Variants in GP6 observed in about 807,000 individuals in gnomAD.
The protein encoded by GP6 is platelet glycoprotein VI.
A neutral mutation model predicts 37.3 loss-of-function variants in GP6; 45 were observed. The ratio of observed to expected loss-of-function variants is 1.21; its 90% CI spans 0.95 to 1.55. The LOEUF (loss-of-function observed/expected upper bound fraction) is 1.55, where lower values mean the gene tolerates loss of function less well. Ranked by LOEUF, GP6 falls within the 40% of genes most tolerant of loss-of-function variation. The probability of loss-of-function intolerance (pLI) is 0.00; values close to 1 mark genes in which losing one functional copy is unlikely to be tolerated. For missense variants in GP6, 813 were observed against 760.2 expected (o/e 1.07, Z -0.82); for synonymous variants, 340 against 316.4 (o/e 1.07, Z -0.79).
At position 55,025,286 on chromosome 19, in the gene GP6, A is replaced by G; in HGVS notation, c.611-15T>C. 1 of 1,515,948 alleles carries G rather than the reference A, an allele frequency of 6.6e-7. No individual in the cohort carries two copies. Among genetic ancestry groups the G allele is most frequent in the Non-Finnish European group, 9.0e-7 (1 of 1,114,256 alleles). 93.9% of individuals were successfully genotyped at this position (1,515,948 alleles called of 1,614,324 possible). A position where few individuals can be genotyped will look rare whatever the true frequency, so the allele number is the denominator to read the frequency against. On this transcript the variant is annotated splice_polypyrimidine_tract_variant and intron_variant, in intron 4 of 7. Transcript: ENST00000310373. ...CACAGAGGTTCCTGGGAAATCAGAA[A>G]ATGAGATAAATCTGTGCTCTGTCGC...
chr19:55,029,531 C>CA (rs1647631554), intron 3 of GP6, among the ~76,000 whole-genome samples: 1 of 149,998 alleles, frequency 6.7e-6, no homozygotes, highest in African/African-American at 2.5e-5. Flanking sequence ...GCTGGGACTA[C>CA]AGGCATGCAC....
In GP6 at chr19:55,014,840, C is replaced by A. The variant is rs377522937; in HGVS notation, c.1105G>T (p.Val369Leu). 1 of 1,614,042 alleles carries A rather than the reference C, an allele frequency of 6.2e-7. No individual in the cohort carries two copies. The highest frequency in any genetic ancestry group is 1.1e-5 in the South Asian group (1 of 91,068). Residue 369 changes from valine to leucine, a missense_variant, in exon 8 of 8, where the codon GTG (valine) becomes TTG (leucine). Val to Leu is a conservative substitution (Grantham distance 32, BLOSUM62 1). Coordinates refer to ENST00000310373, the MANE Select transcript of GP6 (RefSeq NM_001083899.2). ...TGTAGCCTCTGCCCTCCTGCTTCCACGCTCCACACACGCCAGTCTTTGAGT... is the reference window on the plus strand; with the variant it reads ...TGTAGCCTCTGCCCTCCTGCTTCCAAGCTCCACACACGCCAGTCTTTGAGT...
chr19:55,032,880 AGACACGGTGGACTCG>A, intron 1 of GP6: 2 of 383,988 alleles, frequency 5.2e-6, no homozygotes, highest in African/African-American at 4.8e-5. Context: ...CGTTCGTGTT[AGACACGGTGGACTCG>A]TTCGTGTTAG....
At chr19:55,029,631 C>T (rs2074484942) in intron 3 of GP6, among the ~76,000 whole-genome samples, 1 of 150,882 alleles carries the variant, frequency 6.6e-6, no homozygotes, top group Non-Finnish European at 1.5e-5. Context: ...CTCAGGTGAT[C>T]CGTCCACCTC....
At chr19:55,020,457 G>A (rs1423749561) in intron 5 of GP6, among the ~76,000 whole-genome samples, 2 of 152,038 alleles carry the variant, frequency 1.3e-5, no homozygotes, top group Non-Finnish European at 2.9e-5. Flanking sequence ...ACTTACAAGT[G>A]AGAACATGCA....
At position 55,015,114 on chromosome 19, in the gene GP6, C is replaced by T; in HGVS notation, c.831G>A (p.Arg277=). 1 of 1,585,596 alleles carries T rather than the reference C, an allele frequency of 6.3e-7. No homozygotes were observed. The highest frequency in any genetic ancestry group is 1.3e-5 in the African/African-American group (1 of 74,496). Reference sequence around the variant, plus strand: ...CGCCAGGATTATTAGGATCACAGCCCCGAGGCATATCCGGACCAGGTTGCC... The same window carrying T: ...CGCCAGGATTATTAGGATCACAGCCTCGAGGCATATCCGGACCAGGTTGCC... Residue 277 remains arginine (R), a synonymous_variant, in exon 8 of 8, where the codon CGG becomes CGA. Coordinates refer to ENST00000310373, the MANE Select transcript of GP6 (RefSeq NM_001083899.2).
Position 55,015,671 on chromosome 19 carries a change from T to C in GP6, c.779+8A>G. ...GAGAAGGAAGGGGGTCTGGAGAGGA[T>C]GACTTACTCACCAGCTGGAGAGTCT... On this transcript the variant is annotated splice_region_variant and intron_variant, in intron 7 of 7. Coordinates refer to ENST00000310373, the MANE Select transcript of GP6 (RefSeq NM_001083899.2). The C allele has an allele frequency of 2.6e-6, 4 of 1,514,288 alleles. No individual in the cohort carries two copies. In the South Asian group the frequency reaches 3.4e-5, roughly 13 times the overall value. 93.8% of individuals were successfully genotyped at this position (1,514,288 alleles called of 1,614,324 possible).
intron 3 of GP6, among the ~76,000 whole-genome samples, chr19:55,029,092 GA>G (rs751168308): frequency 1.1e-3 from 148 of 129,056 alleles, no homozygotes; most frequent in African/African-American, 3.9e-3. Flanking sequence ...AGAAGAAAAA[GA>G]AAGAAAGAGG....
Position 55,032,891 on chromosome 19 carries a change from ACTCGTTCGTGTTAGACACGGTGGG to A in GP6, c.35-377_35-354del, listed in dbSNP as rs1568640359. The A allele has an allele frequency of 5.6e-3, 821 of 146,298 alleles. 34 individuals carry two copies. The highest frequency in any genetic ancestry group is 0.052 in the African/African-American group (737 of 14,044). 9.1% of individuals were successfully genotyped at this position (146,298 alleles called of 1,614,324 possible). A position where few individuals can be genotyped will look rare whatever the true frequency, so the allele number is the denominator to read the frequency against. ...GGCTCGTTCGTGTTAGACACGGTGG[ACTCGTTCGTGTTAGACACGGTGGG>A]CTCGTTCGTGTTAGACACGGTGGGC... is the stretch of plus-strand genomic sequence containing the variant. On this transcript the variant is annotated intron_variant, in intron 1 of 7. Transcript: ENST00000310373.
intron 4 of GP6, among the ~76,000 whole-genome samples, chr19:55,026,959 A>C (rs892505825): frequency 4.3e-5 from 6 of 141,176 alleles, no homozygotes; most frequent in African/African-American, 1.3e-4. Flanking sequence ...CTTCCTTCCC[A>C]CCTCTGGCCC....
intron 6 of GP6, among the ~76,000 whole-genome samples, chr19:55,017,949 TCCC>T (rs2073936514): frequency 6.6e-6 from 1 of 151,786 alleles, no homozygotes; most frequent in Non-Finnish European, 1.5e-5. Flanking sequence ...GCACCTATAA[TCCC>T]AGCTACTCGG....
At chr19:55,034,425 A>G (rs1424474218) in intron 1 of GP6, among the ~76,000 whole-genome samples, 2 of 151,986 alleles carry the variant, frequency 1.3e-5, no homozygotes, top group East Asian at 1.9e-4. Flanking sequence ...GCATGGTGGC[A>G]CGTGCCTGTA....
chr19:55,033,333 T>C (rs1485950212), intron 1 of GP6, among the ~76,000 whole-genome samples: 1 of 91,206 alleles, frequency 1.1e-5, no homozygotes, highest in Non-Finnish European at 2.1e-5. Context: ...GACTCGTTCG[T>C]GTTGTGTTAG....
intron 3 of GP6, among the ~76,000 whole-genome samples, chr19:55,030,101 T>C (rs898632424): frequency 6.6e-6 from 1 of 152,216 alleles, no homozygotes; most frequent in Non-Finnish European, 1.5e-5. Context: ...TTGAATACTT[T>C]ATTCCCCTGA....
intron 5 of GP6, among the ~76,000 whole-genome samples, chr19:55,021,042 ACT>A (rs1174569583): frequency 2.2e-5 from 2 of 90,890 alleles, no homozygotes; most frequent in African/African-American, 4.7e-5. Flanking sequence ...ACAGAGTGAG[ACT>A]CTGTTTAAAA....
At chr19:55,034,117 C>A (rs56197494) in intron 1 of GP6, among the ~76,000 whole-genome samples, 1 of 149,848 alleles carries the variant, frequency 6.7e-6, no homozygotes, top group Non-Finnish European at 1.5e-5. Flanking sequence ...TACATACACA[C>A]GTGTATATGT....
In GP6 at chr19:55,015,777, C is replaced by T. The variant is rs1224693802; in HGVS notation, c.725-44G>A. On this transcript the variant is annotated intron_variant, in intron 6 of 7. Transcript: ENST00000310373. ...CTAAGTGTGAAATGAAACCATATTC[C>T]CGCCCCCTGTCACTGTGCCTACTCC... 3.9e-6 allele frequency: 4 copies of T among 1,025,564 alleles called. No homozygotes were observed. In the East Asian group the frequency reaches 7.1e-5, roughly 18 times the overall value. The allele number at this position is 1,025,564 out of a possible 1,614,324, so 63.5% of individuals were successfully genotyped here.
At chr19:55,025,981 G>A (rs1349499127) in intron 4 of GP6, among the ~76,000 whole-genome samples, 1 of 118,862 alleles carries the variant, frequency 8.4e-6, no homozygotes, top group Admixed American at 1.0e-4. Flanking sequence ...CAGCCTGGGT[G>A]ACAAAGTGAG....
At chr19:55,017,667 A>G (rs1440358660) in intron 6 of GP6, among the ~76,000 whole-genome samples, 2 of 152,134 alleles carry the variant, frequency 1.3e-5, no homozygotes, top group African/African-American at 4.8e-5. Context: ...AGGGATCAAC[A>G]GGGGCTGGAT....
Sources: gnomAD v4.1 joint callset for allele counts (sites outside exome capture counted in the v4.1 genomes callset) on GRCh38, gnomAD v4.1.1 for gene constraint, MANE v1.5 for transcripts, NCBI Gene and HGNC (gene_info 2026-07-23, HGNC 2026-07-21) for gene names.